The following TENM3 variants were observed in gnomAD, a reference collection of about 807,000 sequenced individuals.
TENM3 encodes the protein teneurin transmembrane protein 3.
A neutral mutation model predicts 255.1 loss-of-function variants in TENM3; 63 were observed. That is an observed-to-expected ratio of 0.25 (90% confidence interval 0.20 to 0.30). The LOEUF is 0.30. Ranked by LOEUF, TENM3 falls within the 10% of genes least tolerant of loss-of-function variation. The pLI is 1.00. For missense variants in TENM3, 2,929 were observed against 3,461.1 expected (o/e 0.85, Z 3.86); for synonymous variants, 1,306 against 1,322.3 (o/e 0.99, Z 0.27).
the TENM3 span, chr4:181,820,187 G>A: frequency 6.6e-6 from 1 of 152,138 alleles, no homozygotes; most frequent in Non-Finnish European, 1.5e-5. Context: ...TCCTAACTCT[G>A]AGGCTCTGAT....
chr4:181,652,669 A>G, the TENM3 span, among the ~76,000 whole-genome samples: 2 of 152,122 alleles, frequency 1.3e-5, no homozygotes, highest in African/African-American at 2.4e-5. Flanking sequence ...TTTCCCCTTC[A>G]TCTAGAAACA....
the TENM3 span, among the ~76,000 whole-genome samples, chr4:181,616,248 T>A: frequency 4.7e-4 from 61 of 130,688 alleles, no homozygotes; most frequent in African/African-American, 1.5e-3. Flanking sequence ...TCTGAGAAGG[T>A]GATGGGACCT....
At chr4:182,719,660 C>T (rs1759539151) in intron 13 of TENM3, among the ~76,000 whole-genome samples, 1 of 151,944 alleles carries the variant, frequency 6.6e-6, no homozygotes, top group South Asian at 2.1e-4. Context: ...GGGCTGATTA[C>T]AGTTGAGAAG....
At chr4:181,798,335 G>A in the TENM3 span, among the ~76,000 whole-genome samples, 1 of 151,696 alleles carries the variant, frequency 6.6e-6, no homozygotes, top group African/African-American at 2.4e-5. Context: ...TTGAGATGGA[G>A]TCTTGCTCTG....
intron 5 of TENM3, among the ~76,000 whole-genome samples, chr4:182,644,574 A>G (rs1024449477): frequency 3.3e-5 from 5 of 152,178 alleles, no homozygotes; most frequent in African/African-American, 1.2e-4. Flanking sequence ...AAAGGAATGC[A>G]TGCTGTAATT....
the TENM3 span, among the ~76,000 whole-genome samples, chr4:181,798,682 ATTAC>A: frequency 6.6e-6 from 1 of 152,020 alleles, no homozygotes; most frequent in African/African-American, 2.4e-5. Context: ...ATGTTTTTTT[ATTAC>A]TTTGACTTTC....
At chr4:181,768,729 G>C in the TENM3 span, among the ~76,000 whole-genome samples, 2 of 151,870 alleles carry the variant, frequency 1.3e-5, no homozygotes, top group Non-Finnish European at 2.9e-5. Flanking sequence ...TCCTATCAAA[G>C]ACACAAATAT....
the TENM3 span, among the ~76,000 whole-genome samples, chr4:182,044,113 C>G: frequency 1.3e-5 from 2 of 151,924 alleles, no homozygotes; most frequent in African/African-American, 4.8e-5. Context: ...AGGCTACTAC[C>G]TTTAAAATAC....
the TENM3 span, among the ~76,000 whole-genome samples, chr4:181,470,108 T>TAAAAAAAAAAAAAAAAA: frequency 5.9e-4 from 66 of 112,676 alleles, 1 homozygote; most frequent in African/African-American, 2.1e-3. Context: ...ATAGCTTCTG[T>TAAAAAAAAAAAAAAAAA]AAAAAAAAAA....
At chr4:181,984,789 CGTGTGTGTGTGTGTGTGTGT>C in the TENM3 span, among the ~76,000 whole-genome samples, 2 of 138,496 alleles carry the variant, frequency 1.4e-5, no homozygotes, top group East Asian at 2.2e-4. Flanking sequence ...CTAAAAGAGT[CGTGTGTGTGTGTGTGTGTGT>C]GTGTGTGTGT....
intron 3 of TENM3, among the ~76,000 whole-genome samples, chr4:182,467,021 A>C (rs1732666245): frequency 6.6e-6 from 1 of 152,196 alleles, no homozygotes; most frequent in South Asian, 2.1e-4. Flanking sequence ...TAAGCCAGCC[A>C]TAGAATTTTG....
At chr4:181,607,517 C>T in the TENM3 span, among the ~76,000 whole-genome samples, 6 of 151,550 alleles carry the variant, frequency 4.0e-5, no homozygotes, top group South Asian at 2.1e-4. Flanking sequence ...TGGCTTCAAA[C>T]GGTTCTCCTG....
At chr4:182,014,178 A>G in the TENM3 span, among the ~76,000 whole-genome samples, 9 of 148,616 alleles carry the variant, frequency 6.1e-5, no homozygotes, top group Non-Finnish European at 1.5e-5. Flanking sequence ...ATACATATAT[A>G]TATGTGTGTG....
At chr4:182,564,099 CTCAGGAATCTTT>C (rs961599670) in intron 3 of TENM3, among the ~76,000 whole-genome samples, 8 of 152,134 alleles carry the variant, frequency 5.3e-5, no homozygotes, top group African/African-American at 1.9e-4. Flanking sequence ...TCTCGCCTGG[CTCAGGAATCTTT>C]TCAAGAGGAT....
chr4:182,623,019 T>C (rs1750446613), intron 4 of TENM3, among the ~76,000 whole-genome samples: 1 of 151,648 alleles, frequency 6.6e-6, no homozygotes, highest in Non-Finnish European at 1.5e-5. Flanking sequence ...CTCTTTTTTT[T>C]TTTTTCTTTG....
At chr4:181,632,301 G>C in the TENM3 span, among the ~76,000 whole-genome samples, 1 of 152,032 alleles carries the variant, frequency 6.6e-6, no homozygotes, top group Non-Finnish European at 1.5e-5. Context: ...GAACAGCATG[G>C]AGGAAATCCA....
At chr4:182,009,368 T>TC in the TENM3 span, among the ~76,000 whole-genome samples, 1 of 151,986 alleles carries the variant, frequency 6.6e-6, no homozygotes, top group Admixed American at 6.6e-5. Flanking sequence ...CTGCCACCCC[T>TC]CCCCCTAGGG....
the TENM3 span, among the ~76,000 whole-genome samples, chr4:182,049,992 TA>T: frequency 3.9e-4 from 40 of 101,620 alleles, no homozygotes; most frequent in African/African-American, 1.0e-3. Flanking sequence ...TTTTTTTAAT[TA>T]AAAAAAAATT....
the TENM3 span, among the ~76,000 whole-genome samples, chr4:181,862,365 T>A: frequency 1.3e-5 from 2 of 152,222 alleles, no homozygotes; most frequent in Non-Finnish European, 2.9e-5. Flanking sequence ...CAATAGAACA[T>A]TTAGAATTCC....
Sources: allele counts gnomAD v4.1 joint callset (sites outside exome capture counted in the v4.1 genomes callset), GRCh38; gene constraint gnomAD v4.1.1; transcripts MANE v1.5; gene names NCBI Gene and HGNC (gene_info 2026-07-23, HGNC 2026-07-21).